The following EPB41L3 variants were observed in gnomAD, a reference collection of about 807,000 sequenced individuals.
EPB41L3 encodes the protein band 4.1-like protein 3.
In EPB41L3, 57 loss-of-function variants were observed where a neutral mutation model predicts 127.1. The observed-to-expected ratio is 0.45, with a 90% CI of 0.36 to 0.56. The LOEUF is 0.56. Among genes scored for constraint, EPB41L3 ranks in the 20% least tolerant of loss-of-function variants. EPB41L3 has a pLI of 0.00. For missense variants in EPB41L3, 1,273 were observed against 1,372.2 expected, an observed-to-expected ratio of 0.93 and a Z score of 1.14; for synonymous variants, 572 against 549.5, an observed-to-expected ratio of 1.04 and a Z score of -0.57.
At chr18:5,533,521 T>C (rs2093476032) in intron 1 of EPB41L3, among the ~76,000 whole-genome samples, 1 of 152,234 alleles carries the variant, frequency 6.6e-6, no homozygotes, top group Non-Finnish European at 1.5e-5. Context: ...TCATCTCAAG[T>C]TTCACATATA....
intron 3 of EPB41L3, among the ~76,000 whole-genome samples, chr18:5,447,448 CTTTTTTTTTTTTT>C (rs10694622): frequency 8.8e-6 from 1 of 114,130 alleles, no homozygotes; most frequent in Non-Finnish European, 1.7e-5. Flanking sequence ...AGCTAGACTA[CTTTTTTTTTTTTT>C]TTTTTTTTTT....
At chr18:5,501,405 C>T (rs537694462) in intron 1 of EPB41L3, among the ~76,000 whole-genome samples, 1 of 152,286 alleles carries the variant, frequency 6.6e-6, no homozygotes, top group East Asian at 1.9e-4. Context: ...CCTAAAGCCC[C>T]TTGGCTGTTT....
intron 1 of EPB41L3, among the ~76,000 whole-genome samples, chr18:5,617,008 C>A (rs1274737743): frequency 6.6e-6 from 1 of 152,158 alleles, no homozygotes; most frequent in Admixed American, 6.5e-5. Flanking sequence ...CTGTGTTGGA[C>A]AGTATGCATA....
chr18:5,625,491 A>G (rs989738707), intron 1 of EPB41L3, among the ~76,000 whole-genome samples: 1 of 152,206 alleles, frequency 6.6e-6, no homozygotes, highest in Admixed American at 6.5e-5. Flanking sequence ...ACGGTAAGGG[A>G]GGAAAGTATG....
chr18:5,484,090 A>AAAAAAAAAAAAACC, intron 2 of EPB41L3, among the ~76,000 whole-genome samples: 1 of 89,026 alleles, frequency 1.1e-5, no homozygotes, highest in African/African-American at 7.3e-5. Context: ...CAAACTCAAA[A>AAAAAAAAAAAAACC]AAAAAAAAAA....
At chr18:5,402,490 C>T (rs1310948460) in intron 16 of EPB41L3, among the ~76,000 whole-genome samples, 1 of 152,060 alleles carries the variant, frequency 6.6e-6, no homozygotes, top group African/African-American at 2.4e-5. Flanking sequence ...CTGAAACCAA[C>T]TAATTTAAAA....
chr18:5,399,438 T>C (rs2074126450), intron 16 of EPB41L3: 3 of 398,200 alleles, frequency 7.5e-6, no homozygotes, highest in Non-Finnish European at 1.3e-5. Flanking sequence ...ATCTCATTTC[T>C]AAAATAAGAA....
chr18:5,529,928 A>ATGTATGTGTGTGTGTGTGTGTGTGTG (rs374864271), intron 1 of EPB41L3, among the ~76,000 whole-genome samples: 1 of 146,772 alleles, frequency 6.8e-6, no homozygotes, highest in South Asian at 2.2e-4. Flanking sequence ...CAACTCATAT[A>ATGTATGTGTGTGTGTGTGTGTGTGTG]TGTGTGTGTG....
intron 3 of EPB41L3, among the ~76,000 whole-genome samples, chr18:5,549,474 C>G (rs2093932913): frequency 6.6e-6 from 1 of 152,206 alleles, no homozygotes; most frequent in African/African-American, 2.4e-5. Flanking sequence ...ATATCCAAGG[C>G]TGACTCATTT....
intron 3 of EPB41L3, among the ~76,000 whole-genome samples, chr18:5,608,664 T>G (rs1034065026): frequency 6.6e-6 from 1 of 152,152 alleles, no homozygotes; most frequent in African/African-American, 2.4e-5. Context: ...GGCTACCAAT[T>G]ATTACTGGAA....
intron 3 of EPB41L3, among the ~76,000 whole-genome samples, chr18:5,579,352 G>A (rs539102276): frequency 1.3e-5 from 2 of 152,164 alleles, no homozygotes; most frequent in Non-Finnish European, 2.9e-5. Flanking sequence ...AATCCTAGCT[G>A]TTGTTTTGGC....
chr18:5,618,031 A>G (rs962330596), intron 1 of EPB41L3, among the ~76,000 whole-genome samples: 1 of 152,220 alleles, frequency 6.6e-6, no homozygotes, highest in Non-Finnish European at 1.5e-5. Flanking sequence ...TGTTCATAAC[A>G]TAGGTTTAAT....
At chr18:5,398,680 C>T (rs141262520) in intron 16 of EPB41L3, 19 of 399,604 alleles carry the variant, frequency 4.8e-5, no homozygotes, top group Middle Eastern at 6.2e-4. Context: ...GACTCAGTAA[C>T]GTAATGGGCA....
At position 5,574,212 on chromosome 18, in the gene EPB41L3, A is replaced by G. The variant is rs76733315; in HGVS notation, c.-306+38128T>C. Among the ~76,000 whole-genome samples the G allele has an allele frequency of 1.2e-3, 182 of 152,106 alleles. 1 individual carries two copies. In the East Asian group the frequency reaches 0.02, roughly 17 times the overall value. ...CGCTAGTGATTACACTAGATGTACC[A>G]TGGATATGAACCTTATATTACAGTC... On this transcript the variant is annotated intron_variant, in intron 3 of 21. Coordinates refer to the EPB41L3 transcript ENST00000545076.
At chr18:5,515,300 G>T (rs1033788121) in intron 1 of EPB41L3, among the ~76,000 whole-genome samples, 1 of 152,188 alleles carries the variant, frequency 6.6e-6, no homozygotes, top group African/African-American at 2.4e-5. Context: ...TCTTCTTCAA[G>T]ATGGTGTTGC....
intron 9 of EPB41L3, among the ~76,000 whole-genome samples, chr18:5,425,532 A>G (rs1211809922): frequency 6.6e-6 from 1 of 152,166 alleles, no homozygotes. Context: ...CTCTGCTGCA[A>G]GAAGCTGGGA....
chr18:5,432,647 A>G (rs188065636), intron 8 of EPB41L3, among the ~76,000 whole-genome samples: 138 of 152,266 alleles, frequency 9.1e-4, no homozygotes, highest in Non-Finnish European at 1.8e-3. Flanking sequence ...TCATTCTACC[A>G]CTACTGAAAA....
Position 5,419,728 on chromosome 18 carries a change from T to C in EPB41L3, c.1489A>G (p.Ile497Val). 2 of 1,614,198 alleles carry C rather than the reference T, an allele frequency of 1.2e-6. No homozygotes were observed. The highest frequency in any genetic ancestry group is 1.1e-5 in the South Asian group (1 of 91,084). ...KGEEVTPISAIRHEGKSPGLG... is the reference protein window; with the variant it reads ...KGEEVTPISAVRHEGKSPGLG... ...AGCTATACCTTTCCCTCGTGCCGGA[T>C]GGCCGAGATGGGCGTGACTTCTTCC... The change falls in exon 12 of 23, where the codon ATC (isoleucine) becomes GTC (valine). Residue 497 changes from isoleucine (I) to valine (V), a missense_variant. Physicochemically the swap from Ile to Val is conservative, Grantham distance 29. Coordinates refer to ENST00000341928, the MANE Select transcript of EPB41L3 (RefSeq NM_012307.5).
At chr18:5,546,504 T>C (rs2093883944), upstream of EPB41L3, among the ~76,000 whole-genome samples, 2 of 152,202 alleles carry the variant, frequency 1.3e-5, no homozygotes, top group Non-Finnish European at 2.9e-5. Context: ...CACTCTAGCC[T>C]GGGCAACAGA....
Sources: allele counts gnomAD v4.1 joint callset (sites outside exome capture counted in the v4.1 genomes callset), GRCh38; gene constraint gnomAD v4.1.1; transcripts MANE v1.5; gene names NCBI Gene and HGNC (gene_info 2026-07-23, HGNC 2026-07-21).